PTPRS: variants seen among roughly 807,000 people sequenced by gnomAD.
The protein encoded by PTPRS is protein tyrosine phosphatase receptor type S.
Under a neutral mutation model 215.3 loss-of-function variants are expected in PTPRS, and 63 were observed. The observed-to-expected ratio is 0.29, with a 90% CI of 0.24 to 0.36. The LOEUF is 0.36. PTPRS is among the 10% of genes least tolerant of loss of function. PTPRS has a pLI of 1.00. For synonymous variants in PTPRS, 1,404 were observed against 1,191.4 expected, an observed-to-expected ratio of 1.18 and a Z score of -3.68; for missense variants, 2,258 against 2,825.8, an observed-to-expected ratio of 0.80 and a Z score of 4.56.
Position 5,214,637 on chromosome 19 carries a change from C to T in PTPRS, c.4418G>A (p.Gly1473Glu), listed in dbSNP as rs2041248710. 1 of 1,613,260 alleles carries T rather than the reference C, an allele frequency of 6.2e-7. No individual in the cohort carries two copies. Among genetic ancestry groups the T allele is most frequent in the South Asian group, 1.1e-5 (1 of 91,088 alleles). The change falls in exon 29 of 38, where the codon GGG becomes GAG. Residue 1473 changes from glycine (G) to glutamate (E), a missense_variant. Around this residue, in one of 6 missense-constraint regions of PTPRS, gnomAD observed 927 missense variants for 1,125.9 expected, o/e 0.82. Coordinates refer to ENST00000262963, the MANE Select transcript of PTPRS (RefSeq NM_002850.4). Reference protein sequence around the residue: ...ATQGPLPETFGDFWRMVWEQR... With the variant: ...ATQGPLPETFEDFWRMVWEQR... Reference sequence around the variant, plus strand: ...CTCCCACACCATACGCCAGAAGTCCCCAAAGGTCTCAGGCAGCGGCCCCTG... The same window carrying T: ...CTCCCACACCATACGCCAGAAGTCCTCAAAGGTCTCAGGCAGCGGCCCCTG...
chr19:5,291,056 C>G (rs747076599), intron 1 of PTPRS, among the ~76,000 whole-genome samples: 1 of 151,478 alleles, frequency 6.6e-6, no homozygotes, highest in Non-Finnish European at 1.5e-5. Context: ...CAGGGAGGGG[C>G]TGGGTGGGGC....
chr19:5,280,663 G>A (rs1250458448), intron 2 of PTPRS, among the ~76,000 whole-genome samples: 3 of 152,160 alleles, frequency 2.0e-5, no homozygotes, highest in African/African-American at 7.2e-5. Context: ...AGAGGGTGCA[G>A]TGGGCTGACA....
rs533513186 is a variant in PTPRS at position 5,294,878 on chromosome 19, C to T, written c.-94-8644G>A. 8.5e-5 allele frequency among the ~76,000 whole-genome samples: 13 copies of T among 152,302 alleles called. No individual in the cohort carries two copies. Among genetic ancestry groups the T allele is most frequent in the African/African-American group, 2.9e-4 (12 of 41,562 alleles). ...ACAGGAGGTGCTAAACACAGGATGC[C>T]GTGACGTCCCCCGTCCCACGCAGCC... On this transcript the variant is annotated intron_variant, in intron 1 of 37. Coordinates refer to ENST00000262963, the MANE Select transcript of PTPRS (RefSeq NM_002850.4). The surrounding 1 kb of genome is among the most constrained non-coding windows in gnomAD (Gnocchi z 5.1).
chr19:5,313,665 C>T (rs1349361134), intron 1 of PTPRS, among the ~76,000 whole-genome samples: 2 of 152,082 alleles, frequency 1.3e-5, no homozygotes, highest in South Asian at 2.1e-4. Context: ...CTGGTGTGGG[C>T]GCTTCTTAGA....
chr19:5,276,246 T>C (rs926584786), intron 2 of PTPRS, among the ~76,000 whole-genome samples: 33 of 152,238 alleles, frequency 2.2e-4, no homozygotes, highest in African/African-American at 7.9e-4. Context: ...TTTTTTGAGA[T>C]GAAGTGTTGC....
intron 28 of PTPRS, 59 bp from the exon 29 acceptor site, chr19:5,214,795 T>G: frequency 3.3e-6 from 5 of 1,519,404 alleles, no homozygotes; most frequent in Non-Finnish European, 4.5e-6. Flanking sequence ...TTTGGCTCTG[T>G]GTGGCCAACC....
intron 13 of PTPRS, among the ~76,000 whole-genome samples, chr19:5,233,783 C>G (rs2043201839): frequency 6.6e-6 from 1 of 150,664 alleles, no homozygotes; most frequent in Admixed American, 6.6e-5. Flanking sequence ...GTCTCTACTA[C>G]AAGATACAAA....
Position 5,210,541 on chromosome 19 carries a change from A to C in PTPRS, c.5415T>G (p.Phe1805Leu). The change falls in exon 35 of 38, where the codon TTT becomes TTG. Residue 1805 changes from phenylalanine to leucine, a missense_variant. By Grantham distance (22) the Phe-to-Leu change is conservative. Transcript: ENST00000262963. This position sits in a 1 kb window ranked among gnomAD's most constrained non-coding sequence, Gnocchi z 4.5. Reference sequence around the variant, plus strand: ...TGTATTCTGCCATCGGATCTACCACAAAGTACTGGTAGCGGGCAGAGCGCT... The same window carrying C: ...TGTATTCTGCCATCGGATCTACCACCAAGTACTGGTAGCGGGCAGAGCGCT... ...PAERSARYQY[F>L]VVDPMAEYNM... 6.2e-7 allele frequency: 1 copy of C among 1,614,158 alleles called. No homozygotes were observed. Among genetic ancestry groups the C allele is most frequent in the Non-Finnish European group, 8.5e-7 (1 of 1,180,030 alleles).
chr19:5,329,181 G>A (rs968586513), intron 1 of PTPRS, among the ~76,000 whole-genome samples: 7 of 152,134 alleles, frequency 4.6e-5, no homozygotes, highest in Admixed American at 1.3e-4. Flanking sequence ...GCCTGGAGGT[G>A]GAAACAGGAG....
chr19:5,244,088 G>C lies in PTPRS; in HGVS notation c.1383C>G (p.Arg461=). ...VEPNGLIRGY[R]VYYTMEPEHP... ...GCTCCGGTTCCATGGTGTAGTAGAC[G>C]CGGTAGCCGCGGATCAGGCCGTTGG... Residue 461 remains arginine (R), a synonymous_variant, in exon 11 of 38, where the codon CGC becomes CGG. Coordinates refer to ENST00000262963, the MANE Select transcript of PTPRS (RefSeq NM_002850.4). This position sits in a 1 kb window ranked among gnomAD's most constrained non-coding sequence, Gnocchi z 7.2. 6.2e-7 allele frequency: 1 copy of C among 1,609,954 alleles called. No individual in the cohort carries two copies. The highest frequency in any genetic ancestry group is 8.5e-7 in the Non-Finnish European group (1 of 1,179,536).
rs774651794 is a variant in PTPRS at position 5,256,134 on chromosome 19, G to A, written c.707-15C>T. The A allele has an allele frequency of 2.0e-6, 3 of 1,522,866 alleles. No homozygotes were observed. Among genetic ancestry groups the A allele is most frequent in the Non-Finnish European group, 2.7e-6 (3 of 1,100,554 alleles). The allele number at this position is 1,522,866 out of a possible 1,614,324, so 94.3% of individuals were successfully genotyped here. A position where few individuals can be genotyped will look rare whatever the true frequency, so the allele number is the denominator to read the frequency against. On this transcript the variant is annotated splice_polypyrimidine_tract_variant and intron_variant, in intron 8 of 37. Coordinates refer to ENST00000262963, the MANE Select transcript of PTPRS (RefSeq NM_002850.4). ...TTCTCGAAGCTCTGAGGGATGTAAA[G>A]GGGGTTTGATGCAGAACACAATGAC... is the stretch of plus-strand genomic sequence containing the variant.
intron 2 of PTPRS, among the ~76,000 whole-genome samples, chr19:5,278,469 T>C (rs2047579616): frequency 6.6e-6 from 1 of 151,654 alleles, no homozygotes; most frequent in African/African-American, 2.4e-5. Context: ...AGATGCTTTT[T>C]GATTACTTAT....
intron 1 of PTPRS, among the ~76,000 whole-genome samples, chr19:5,298,118 T>C (rs544938583): frequency 6.6e-6 from 1 of 152,162 alleles, no homozygotes; most frequent in African/African-American, 2.4e-5. Context: ...CTTCTATGCA[T>C]ACGAATGGGT....
At chr19:5,302,983 T>C (rs1194295206) in intron 1 of PTPRS, among the ~76,000 whole-genome samples, 4 of 150,424 alleles carry the variant, frequency 2.7e-5, no homozygotes, top group Admixed American at 6.6e-5. Context: ...GGCAGGAGAA[T>C]GGTGTGAACC....
At position 5,234,515 on chromosome 19, in the gene PTPRS, C is replaced by T. The variant is rs117689589; in HGVS notation, c.1850-2900G>A. 7.9e-3 allele frequency among the ~76,000 whole-genome samples: 1,204 copies of T among 152,332 alleles called. 10 individuals carry two copies. Among genetic ancestry groups the T allele is most frequent in the Non-Finnish European group, 0.012 (817 of 68,030 alleles). ...ACTACATCTACTACTAACCTATCAA[C>T]AGCAAGTCTCATTTATTGAACATCT... On this transcript the variant is annotated intron_variant, in intron 13 of 37. Coordinates refer to ENST00000262963, the MANE Select transcript of PTPRS (RefSeq NM_002850.4).
chr19:5,261,179 C>G (rs991469093), intron 6 of PTPRS, among the ~76,000 whole-genome samples: 1 of 152,086 alleles, frequency 6.6e-6, no homozygotes, highest in Non-Finnish European at 1.5e-5. Context: ...TCCCTCTGGG[C>G]TGAGGGAGGG....
intron 19 of PTPRS, among the ~76,000 whole-genome samples, chr19:5,221,606 T>C (rs2041983738): frequency 6.6e-6 from 1 of 152,054 alleles, no homozygotes; most frequent in Non-Finnish European, 1.5e-5. Flanking sequence ...AGCTGAGCGC[T>C]GACCCTAGGT....
intron 1 of PTPRS, among the ~76,000 whole-genome samples, chr19:5,301,272 C>A (rs1282414499): frequency 6.6e-6 from 1 of 151,614 alleles, no homozygotes; most frequent in African/African-American, 2.4e-5. Flanking sequence ...CCTGCCAGGC[C>A]GTCTCCCACC....
chr19:5,240,205 G>T lies in PTPRS; in HGVS notation c.1698C>A (p.Gly566=). The change falls in exon 12 of 38, where the codon GGC becomes GGA. Residue 566 remains glycine, a synonymous_variant. Coordinates refer to ENST00000262963, the MANE Select transcript of PTPRS (RefSeq NM_002850.4). ...YELLFREGDH[G]REVGRTFDPT... ...CGTCCCCGCGCTGCCTCACCTCCCG[G>T]CCATGGTCGCCTTCCCGGAAGAGGA... 6.5e-7 allele frequency: 1 copy of T among 1,543,880 alleles called. No homozygotes were observed.
Sources: gnomAD v4.1 joint callset for allele counts (sites outside exome capture counted in the v4.1 genomes callset) on GRCh38, gnomAD v4.1.1 for gene constraint, gnomAD v4.1.1 regional missense constraint, Gnocchi (gnomAD v3.1) non-coding constraint, MANE v1.5 for transcripts, NCBI Gene and HGNC (gene_info 2026-07-23, HGNC 2026-07-21) for gene names.